The following RAPGEF6 variants were observed in gnomAD, a reference collection of about 807,000 sequenced individuals.
The protein encoded by RAPGEF6 is PDZ domain containing guanine nucleotide exchange factor (GEF) 2.
RAPGEF6 carries 56 observed loss-of-function variants against 171.4 expected under a neutral mutation model. That is an observed-to-expected ratio of 0.33 (90% CI 0.26 to 0.41). The LOEUF is 0.41. Ranked by LOEUF, RAPGEF6 falls within the 10% of genes least tolerant of loss-of-function variation. RAPGEF6 has a pLI of 1.00. For synonymous variants in RAPGEF6, 692 were observed against 650.1 expected, an observed-to-expected ratio of 1.06 and a Z score of -0.98; for missense variants, 1,674 against 1,921.4, an observed-to-expected ratio of 0.87 and a Z score of 2.41.
intron 9 of RAPGEF6, among the ~76,000 whole-genome samples, chr5:131,507,175 A>G (rs1169032565): frequency 1.9e-5 from 1 of 53,736 alleles, no homozygotes; most frequent in Non-Finnish European, 4.3e-5. Flanking sequence ...GTAATATTAT[A>G]TATTATATAT....
At chr5:131,626,458 T>C (rs1418612545) in intron 1 of RAPGEF6, among the ~76,000 whole-genome samples, 2 of 151,988 alleles carry the variant, frequency 1.3e-5, no homozygotes, top group African/African-American at 4.8e-5. Context: ...CAAGTATACA[T>C]GGCTTGCCAT....
chr5:131,591,325 T>C (rs1279431193), intron 4 of RAPGEF6, among the ~76,000 whole-genome samples: 1 of 152,202 alleles, frequency 6.6e-6, no homozygotes, highest in Non-Finnish European at 1.5e-5. Context: ...CTAACAGAAT[T>C]CCACAACTGA....
chr5:131,582,628 T>C (rs538137748), intron 4 of RAPGEF6, among the ~76,000 whole-genome samples: 1 of 152,334 alleles, frequency 6.6e-6, no homozygotes, highest in Non-Finnish European at 1.5e-5. Context: ...CTTCTGCTCT[T>C]TGAAACACAA....
intron 1 of RAPGEF6, among the ~76,000 whole-genome samples, chr5:131,615,870 C>T (rs1009002825): frequency 6.6e-6 from 1 of 151,820 alleles, no homozygotes; most frequent in African/African-American, 2.4e-5. Flanking sequence ...CACTGTACTC[C>T]AGCCCGGGCA....
At chr5:131,547,509 T>C (rs1481919552) in intron 6 of RAPGEF6, among the ~76,000 whole-genome samples, 1 of 108,146 alleles carries the variant, frequency 9.2e-6, no homozygotes, top group South Asian at 3.1e-4. Flanking sequence ...CACAGCTTAC[T>C]TTTTTTTTTT....
chr5:131,590,286 G>C (rs1425753018), intron 4 of RAPGEF6, among the ~76,000 whole-genome samples: 1 of 152,132 alleles, frequency 6.6e-6, no homozygotes. Context: ...TGTAATCCCA[G>C]CTATTCGGAA....
chr5:131,586,613 AAAGT>A (rs1763272774), intron 4 of RAPGEF6, among the ~76,000 whole-genome samples: 1 of 152,230 alleles, frequency 6.6e-6, no homozygotes, highest in African/African-American at 2.4e-5. Flanking sequence ...CCTGGGTGAC[AAAGT>A]AAGACTCTAT....
At chr5:131,460,922 G>T (rs570642263) in intron 19 of RAPGEF6, among the ~76,000 whole-genome samples, 14 of 152,236 alleles carry the variant, frequency 9.2e-5, no homozygotes, top group Admixed American at 8.5e-4. Context: ...AGTTCAAGTG[G>T]AATTATGCTG....
At chr5:131,570,408 A>C (rs565127023) in intron 4 of RAPGEF6, among the ~76,000 whole-genome samples, 2 of 152,216 alleles carry the variant, frequency 1.3e-5, no homozygotes, top group Non-Finnish European at 2.9e-5. Context: ...TTTTCCCAAG[A>C]AGTTAAACAT....
intron 1 of RAPGEF6, among the ~76,000 whole-genome samples, chr5:131,605,271 G>A (rs555010904): frequency 1.3e-5 from 2 of 152,232 alleles, no homozygotes; most frequent in South Asian, 4.1e-4. Context: ...AAAACCTCAA[G>A]ATGACATAGT....
At chr5:131,559,328 C>CAAAATG (rs1004285138) in intron 5 of RAPGEF6, among the ~76,000 whole-genome samples, 2 of 151,846 alleles carry the variant, frequency 1.3e-5, no homozygotes, top group African/African-American at 4.8e-5. Context: ...AACTCCATCA[C>CAAAATG]AAAATGAAAA....
At chr5:131,554,371 AG>A (rs1020715075) in intron 5 of RAPGEF6, among the ~76,000 whole-genome samples, 17 of 152,354 alleles carry the variant, frequency 1.1e-4, no homozygotes, top group Admixed American at 1.0e-3. Context: ...AAGAACTAAA[AG>A]CAAAAAATAT....
intron 6 of RAPGEF6, among the ~76,000 whole-genome samples, chr5:131,540,003 C>T (rs1166108551): frequency 6.6e-6 from 1 of 152,136 alleles, no homozygotes; most frequent in Non-Finnish European, 1.5e-5. Context: ...AAATTAAAAA[C>T]CCCAATCCAT....
intron 11 of RAPGEF6, among the ~76,000 whole-genome samples, chr5:131,499,307 G>A (rs2149881828): frequency 6.6e-6 from 1 of 152,174 alleles, no homozygotes; most frequent in African/African-American, 2.4e-5. Flanking sequence ...GGCTGGGCGT[G>A]GTGTGGCTCA....
chr5:131,437,570 G>A (rs1752094155), intron 24 of RAPGEF6, among the ~76,000 whole-genome samples: 1 of 152,210 alleles, frequency 6.6e-6, no homozygotes, highest in Admixed American at 6.5e-5. Context: ...GGGCGCATTG[G>A]ATAGGACCAT....
intron 1 of RAPGEF6, among the ~76,000 whole-genome samples, chr5:131,617,163 G>C (rs886223956): frequency 6.6e-6 from 1 of 152,196 alleles, no homozygotes; most frequent in African/African-American, 2.4e-5. Flanking sequence ...GTGGAAGACA[G>C]CTGGATGCAG....
intron 6 of RAPGEF6, among the ~76,000 whole-genome samples, chr5:131,541,467 A>C (rs1029526431): frequency 6.6e-6 from 1 of 152,196 alleles, no homozygotes; most frequent in Non-Finnish European, 1.5e-5. Context: ...GCTAAATAAG[A>C]AAAGGATTTA....
At chr5:131,457,528 A>G (rs1377970406) in intron 19 of RAPGEF6, among the ~76,000 whole-genome samples, 1 of 152,218 alleles carries the variant, frequency 6.6e-6, no homozygotes, top group African/African-American at 2.4e-5. Flanking sequence ...TTCACATACA[A>G]GGCTAACTCC....
At chr5:131,578,110 C>G (rs1218592865) in intron 4 of RAPGEF6, among the ~76,000 whole-genome samples, 1 of 152,168 alleles carries the variant, frequency 6.6e-6, no homozygotes, top group Non-Finnish European at 1.5e-5. Flanking sequence ...AAACCGCCAC[C>G]CTTAACTCTC....
Sources: gnomAD v4.1 joint callset for allele counts (sites outside exome capture counted in the v4.1 genomes callset) on GRCh38, gnomAD v4.1.1 for gene constraint, MANE v1.5 for transcripts, NCBI Gene and HGNC (gene_info 2026-07-23, HGNC 2026-07-21) for gene names.